The following KIF20B variants were observed in gnomAD, a reference collection of about 807,000 sequenced individuals.
KIF20B encodes the protein kinesin family member 20B, also known as kinesin-like protein KIF20B.
A neutral mutation model predicts 232.5 loss-of-function variants in KIF20B; 188 were observed. The observed-to-expected ratio is 0.81, with a 90% CI of 0.72 to 0.91. The LOEUF (loss-of-function observed/expected upper bound fraction) is 0.91, where lower values mean the gene tolerates loss of function less well. Ranked by LOEUF, KIF20B falls within the 40% of genes least tolerant of loss-of-function variation. The pLI, the probability that KIF20B is intolerant of heterozygous loss-of-function variation, is 0.00. For missense variants in KIF20B, 2,154 were observed against 2,055.9 expected (o/e 1.05, Z -0.92); for synonymous variants, 712 against 683.0 (o/e 1.04, Z -0.66).
At chr10:89,747,423 A>G (rs1380148769) in intron 23 of KIF20B, among the ~76,000 whole-genome samples, 1 of 152,092 alleles carries the variant, frequency 6.6e-6, no homozygotes, top group African/African-American at 2.4e-5. Flanking sequence ...GCTGCTATAA[A>G]GACACATGCA....
intron 29 of KIF20B, among the ~76,000 whole-genome samples, chr10:89,764,255 C>T (rs12775091): frequency 0.18 from 27,768 of 151,768 alleles, 3,097 homozygotes; most frequent in East Asian, 0.35. Context: ...CATGGTATTC[C>T]ATGGTGTATA....
chr10:89,735,458 T>C (rs986509828), intron 19 of KIF20B, among the ~76,000 whole-genome samples: 1 of 151,864 alleles, frequency 6.6e-6, no homozygotes, highest in African/African-American at 2.4e-5. Context: ...TAGGATAATA[T>C]TCGGGACTCA....
rs1174355559 is a variant in KIF20B at position 89,743,830 on chromosome 10, A to G, written c.3938A>G (p.Asp1313Gly). ...TAGGTATCTGTAATGCGTGATGAGGATAAATTACTGAGGATTAAAATTAAT... is the reference window on the plus strand; with the variant it reads ...TAGGTATCTGTAATGCGTGATGAGGGTAAATTACTGAGGATTAAAATTAAT... ...QKEVSVMRDEDKLLRIKINEL... is the reference protein window; with the variant it reads ...QKEVSVMRDEGKLLRIKINEL... The change falls in exon 22 of 33, where the codon GAT (aspartate) becomes GGT (glycine). Residue 1313 changes from aspartate to glycine, a missense_variant. By Grantham distance (94) the Asp-to-Gly change is moderately conservative. Transcript: ENST00000371728. 1 of 1,526,056 alleles carries G rather than the reference A, an allele frequency of 6.6e-7. No individual in the cohort carries two copies. Among genetic ancestry groups the G allele is most frequent in the Non-Finnish European group, 8.9e-7 (1 of 1,117,724 alleles). 94.5% of individuals were successfully genotyped at this position (1,526,056 alleles called of 1,614,324 possible). A position where few individuals can be genotyped will look rare whatever the true frequency, so the allele number is the denominator to read the frequency against.
At chr10:89,759,971 A>G (rs1256483781) in intron 27 of KIF20B, among the ~76,000 whole-genome samples, 1 of 152,168 alleles carries the variant, frequency 6.6e-6, no homozygotes, top group Non-Finnish European at 1.5e-5. Flanking sequence ...TAGAAATAGA[A>G]CTTTATGACT....
At chr10:89,738,708 C>A (rs1271768452) in intron 20 of KIF20B, 91 bp downstream of exon 20, 1 of 1,417,828 alleles carries the variant, frequency 7.1e-7, no homozygotes, top group Admixed American at 2.9e-5. Context: ...CATACTTAAT[C>A]TGGTAAAGCG....
intron 23 of KIF20B, among the ~76,000 whole-genome samples, chr10:89,748,144 G>C (rs112138620): frequency 0.069 from 10,489 of 152,222 alleles, 453 homozygotes; most frequent in East Asian, 0.1. Flanking sequence ...TGAGTAGCTG[G>C]GATTACAAGC....
At chr10:89,705,545 C>A in intron 2 of KIF20B, 104 bp downstream of exon 2, 1 of 937,560 alleles carries the variant, frequency 1.1e-6, no homozygotes. Flanking sequence ...TACTTAGATA[C>A]AAGCTAAGAA....
Position 89,724,040 on chromosome 10 carries a change from A to T in KIF20B, c.1799A>T (p.Lys600Ile). ...AAGGAAAAATTAACCTTGGAATTTA[A>T]AATTCGAGAAGAAGTTACACAGGAG... Reference protein sequence around the residue: ...EKKEKLTLEFKIREEVTQEFT... With the variant: ...EKKEKLTLEFIIREEVTQEFT... The change falls in exon 14 of 33, where the codon AAA becomes ATA. Residue 600 changes from lysine (K) to isoleucine (I), a missense_variant. By Grantham distance (102) the Lys-to-Ile change is moderately radical. Coordinates refer to ENST00000371728, the MANE Select transcript of KIF20B (RefSeq NM_001284259.2). 6.3e-7 allele frequency: 1 copy of T among 1,584,190 alleles called. No individual in the cohort carries two copies. The highest frequency in any genetic ancestry group is 8.6e-7 in the Non-Finnish European group (1 of 1,169,532).
intron 20 of KIF20B, 113 bp from the exon 21 acceptor site, chr10:89,738,845 A>T: frequency 7.8e-7 from 1 of 1,280,400 alleles, no homozygotes. Flanking sequence ...CATAGTTTGG[A>T]TATTCCAAAT....
In KIF20B at chr10:89,738,305, G is replaced by A; in HGVS notation, c.3464G>A (p.Gly1155Asp). The change falls in exon 20 of 33, where the codon GGT becomes GAT. Residue 1155 changes from glycine (G) to aspartate (D), a missense_variant. Transcript: ENST00000371728. ...GKRALSELTQ[G>D]VTCYKAKIKE... is the part of the protein sequence containing the mutation. ...AGAGCGCTTTCAGAACTTACACAAG[G>A]TGTTACTTGCTATAAGGCAAAAATA... The A allele has an allele frequency of 1.2e-6, 2 of 1,612,394 alleles. No individual in the cohort carries two copies. The highest frequency in any genetic ancestry group is 1.7e-6 in the Non-Finnish European group (2 of 1,179,436).
chr10:89,748,155 A>G (rs955403830), intron 23 of KIF20B, among the ~76,000 whole-genome samples: 8 of 152,114 alleles, frequency 5.3e-5, no homozygotes, highest in Admixed American at 3.3e-4. Flanking sequence ...GATTACAAGC[A>G]CCAGCCACCA....
chr10:89,703,562 ACT>A (rs995736791), intron 1 of KIF20B, among the ~76,000 whole-genome samples: 5 of 151,260 alleles, frequency 3.3e-5, no homozygotes, highest in Non-Finnish European at 5.9e-5. Flanking sequence ...GATCATAGAA[ACT>A]CTCAAGGGCA....
intron 8 of KIF20B, 25 bp from the exon 9 acceptor site, chr10:89,716,411 T>C (rs1302856193): frequency 3.1e-6 from 3 of 959,456 alleles, no homozygotes; most frequent in Non-Finnish European, 4.8e-6. Context: ...AATAAATTAA[T>C]ATATATCCTC....
At chr10:89,723,070 A>C (rs537741956) in intron 13 of KIF20B, among the ~76,000 whole-genome samples, 2 of 143,558 alleles carry the variant, frequency 1.4e-5, no homozygotes, top group South Asian at 2.5e-4. Flanking sequence ...CAAAACAACA[A>C]CACTGTGATC....
chr10:89,746,900 C>T (rs115339125), intron 23 of KIF20B, among the ~76,000 whole-genome samples: 2,408 of 152,234 alleles, frequency 0.016, 73 homozygotes, highest in African/African-American at 0.055. Context: ...AAAGCTTATT[C>T]TTAGAAAAAT....
chr10:89,702,727 G>A (rs566113435), intron 1 of KIF20B, among the ~76,000 whole-genome samples: 1 of 150,338 alleles, frequency 6.7e-6, no homozygotes, highest in Admixed American at 6.6e-5. Context: ...CTGCTGTCAC[G>A]AAAGATAATA....
intron 19 of KIF20B, among the ~76,000 whole-genome samples, chr10:89,736,553 G>A (rs774119661): frequency 8.5e-5 from 13 of 152,080 alleles, no homozygotes; most frequent in Non-Finnish European, 1.2e-4. Context: ...CTTACATTAC[G>A]TATTAACTCA....
chr10:89,748,440 C>T (rs540032146), intron 23 of KIF20B, among the ~76,000 whole-genome samples: 13 of 152,366 alleles, frequency 8.5e-5, no homozygotes, highest in African/African-American at 3.1e-4. Context: ...GTGTGCTTCA[C>T]TCTTAAGTCT....
rs369338310 is a variant in KIF20B, at chr10:89,754,631, T to G, written c.4461T>G (p.Tyr1487Ter). 1 of 1,601,150 alleles carries G rather than the reference T, an allele frequency of 6.2e-7. No individual in the cohort carries two copies. The highest frequency in any genetic ancestry group is 2.3e-5 in the East Asian group (1 of 44,400). ...ENIRNKEMKK[Y>*]AEDRERFFKQ... ...TACGAAATAAAGAGATGAAAAAATA[T>G]GCTGAGGACAGGGAGCGTTTTTTTA... Residue 1487 changes from tyrosine (Y) to a stop codon, truncating the protein, a stop_gained, in exon 26 of 33, where the codon TAT (tyrosine) becomes TAG (stop). Coordinates refer to ENST00000371728, the MANE Select transcript of KIF20B (RefSeq NM_001284259.2). LOFTEE classifies it high-confidence loss of function.
Sources: allele counts gnomAD v4.1 joint callset (sites outside exome capture counted in the v4.1 genomes callset), GRCh38; gene constraint gnomAD v4.1.1; transcripts MANE v1.5; gene names NCBI Gene and HGNC (gene_info 2026-07-23, HGNC 2026-07-21).